The following LRP5 variants were observed in gnomAD, a reference collection of about 807,000 sequenced individuals.
The protein encoded by LRP5 is low-density lipoprotein receptor-related protein 5.
A neutral mutation model predicts 154.1 loss-of-function variants in LRP5; 62 were observed. That is an observed-to-expected ratio of 0.40 (90% CI 0.33 to 0.50). The LOEUF (loss-of-function observed/expected upper bound fraction) is 0.50, where lower values mean the gene tolerates loss of function less well. LRP5 is among the 20% of genes least tolerant of loss of function. The probability of loss-of-function intolerance (pLI) is 0.55; values close to 1 mark genes in which losing one functional copy is unlikely to be tolerated. For synonymous variants in LRP5, 966 were observed against 1,011.5 expected (o/e 0.96, Z 0.85); for missense variants, 1,915 against 2,336.7 (o/e 0.82, Z 3.72).
intron 21 of LRP5, among the ~76,000 whole-genome samples, chr11:68,442,423 G>T (rs183335905): frequency 1.6e-4 from 25 of 152,098 alleles, no homozygotes; most frequent in African/African-American, 6.0e-4. Flanking sequence ...TGGCAGGTGT[G>T]CACCATCATG....
chr11:68,302,191 CA>C, the LRP5 span, among the ~76,000 whole-genome samples: 2 of 151,414 alleles, frequency 1.3e-5, no homozygotes, highest in East Asian at 4.0e-4. Flanking sequence ...ACTAGAAATA[CA>C]AAAAATTAGC....
At chr11:68,343,709 T>C (rs1324792465) in intron 1 of LRP5, among the ~76,000 whole-genome samples, 1 of 151,934 alleles carries the variant, frequency 6.6e-6, no homozygotes, top group Non-Finnish European at 1.5e-5. Flanking sequence ...CACACACAAC[T>C]CTCTTCCCAG....
At chr11:68,399,074 G>A (rs554203637) in intron 7 of LRP5, among the ~76,000 whole-genome samples, 14 of 152,118 alleles carry the variant, frequency 9.2e-5, no homozygotes, top group Non-Finnish European at 1.5e-4. Context: ...TGCCTCTAGC[G>A]ATTTGGGAGG....
intron 5 of LRP5, among the ~76,000 whole-genome samples, chr11:68,374,293 C>T (rs1591245285): frequency 6.6e-6 from 1 of 152,174 alleles, no homozygotes; most frequent in African/African-American, 2.4e-5. Flanking sequence ...GGCGTTTGTT[C>T]CCAGAGTCTG....
At position 68,447,450 on chromosome 11, in the gene LRP5, CT is replaced by C. The variant is rs370190796; in HGVS notation, c.4586+918del. On this transcript the variant is annotated intron_variant, in intron 22 of 22. Coordinates refer to ENST00000294304, the MANE Select transcript of LRP5 (RefSeq NM_002335.4). This position sits in a 1 kb window ranked among gnomAD's most constrained non-coding sequence, Gnocchi z 4.3. Reference sequence around the variant, plus strand: ...CTGGCTGGGGAGCCGGAACTGCAGCCTCCATTTCCACCCCACTCCGGGTCGG... The same window carrying C: ...CTGGCTGGGGAGCCGGAACTGCAGCCCCATTTCCACCCCACTCCGGGTCGG... Among the ~76,000 whole-genome samples the C allele has an allele frequency of 4.5e-3, 692 of 152,320 alleles. 5 individuals are homozygous for C. The highest frequency in any genetic ancestry group is 0.016 in the African/African-American group (664 of 41,568).
chr11:68,400,459 C>A (rs2098652009), intron 7 of LRP5, among the ~76,000 whole-genome samples: 1 of 152,122 alleles, frequency 6.6e-6, no homozygotes, highest in Non-Finnish European at 1.5e-5. Flanking sequence ...GTGGCTCACG[C>A]CTGTAAATCC....
chr11:68,377,678 A>G (rs924384843), intron 5 of LRP5, among the ~76,000 whole-genome samples: 2 of 152,202 alleles, frequency 1.3e-5, no homozygotes, highest in African/African-American at 4.8e-5. Flanking sequence ...GGATCTGCGC[A>G]GTGGACAGTG....
At chr11:68,314,425 C>T (rs1407016179) in intron 1 of LRP5, among the ~76,000 whole-genome samples, 2 of 152,162 alleles carry the variant, frequency 1.3e-5, no homozygotes, top group Non-Finnish European at 2.9e-5. Flanking sequence ...TGTGGTGATC[C>T]AGGCCTAAAA....
chr11:68,381,982 A>C (rs314773), intron 5 of LRP5, among the ~76,000 whole-genome samples: 76,227 of 152,154 alleles, frequency 0.5, 23,412 homozygotes, highest in South Asian at 0.82. Flanking sequence ...GGCTGGACAG[A>C]GTCCCCACCA....
Position 68,446,442 on chromosome 11 carries a change from A to C in LRP5, c.4495A>C (p.Asn1499His). ...TKATLYPPIL[N>H]PPPSPATDPS... Reference sequence around the variant, plus strand: ...CTGGCTTGGCTCTCCTCAGATCCTGAACCCGCCGCCCTCCCCGGCCACGGA... The same window carrying C: ...CTGGCTTGGCTCTCCTCAGATCCTGCACCCGCCGCCCTCCCCGGCCACGGA... The change falls in exon 22 of 23, where the codon AAC becomes CAC. Residue 1499 changes from asparagine to histidine, a missense_variant. Around this residue, in one of 3 missense-constraint regions of LRP5, gnomAD observed 1,094 missense variants for 1,210.1 expected, o/e 0.90. Coordinates refer to ENST00000294304, the MANE Select transcript of LRP5 (RefSeq NM_002335.4). The C allele has an allele frequency of 1.2e-6, 2 of 1,612,478 alleles. No homozygotes were observed. The highest frequency in any genetic ancestry group is 1.7e-6 in the Non-Finnish European group (2 of 1,178,584).
intron 2 of LRP5, among the ~76,000 whole-genome samples, chr11:68,352,716 T>C (rs2098619773): frequency 6.8e-6 from 1 of 146,510 alleles, no homozygotes; most frequent in Non-Finnish European, 1.5e-5. Flanking sequence ...GGTATTTGAT[T>C]GGGAGGTGCT....
At chr11:68,427,966 TTTTATTTTTTTTATTTATTTATTTA>T (rs1233686179) in intron 16 of LRP5, among the ~76,000 whole-genome samples, 126 of 79,066 alleles carry the variant, frequency 1.6e-3, no homozygotes, top group African/African-American at 4.6e-3. Context: ...TTTTATTTTA[TTTTATTTTTTTTATTTATTTATTTA>T]TTTATTTATT....
the LRP5 span, among the ~76,000 whole-genome samples, chr11:68,298,614 C>T: frequency 6.6e-6 from 1 of 152,310 alleles, no homozygotes; most frequent in East Asian, 1.9e-4. Flanking sequence ...GATCTTTGGG[C>T]TCAGTGCCAG....
At chr11:68,400,415 C>T (rs1565077374) in intron 7 of LRP5, among the ~76,000 whole-genome samples, 3 of 152,114 alleles carry the variant, frequency 2.0e-5, no homozygotes, top group African/African-American at 2.4e-5. Context: ...AAAAATCTCT[C>T]CAAGAGATAA....
chr11:68,424,978 C>T, intron 14 of LRP5, 124 bp from the exon 15 acceptor site: 1 of 742,412 alleles, frequency 1.3e-6, no homozygotes, highest in Non-Finnish European at 2.3e-6. Context: ...AGAATGTGAC[C>T]TGTCAGCCTC....
chr11:68,397,946 C>T (rs2098650345), intron 7 of LRP5, among the ~76,000 whole-genome samples: 1 of 130,304 alleles, frequency 7.7e-6, no homozygotes, highest in African/African-American at 2.7e-5. Flanking sequence ...TATCCCTGGG[C>T]TTTGGCACTG....
chr11:68,385,751 G>A (rs2098642619), intron 5 of LRP5, among the ~76,000 whole-genome samples: 1 of 152,142 alleles, frequency 6.6e-6, no homozygotes, highest in Non-Finnish European at 1.5e-5. Flanking sequence ...TGAAGGGTGT[G>A]TCTGGCCCTG....
At chr11:68,362,445 G>A (rs964996648) in intron 3 of LRP5, among the ~76,000 whole-genome samples, 2 of 152,136 alleles carry the variant, frequency 1.3e-5, no homozygotes, top group Admixed American at 1.3e-4. Flanking sequence ...CACTTTGAGA[G>A]GCCAAGGCGG....
At chr11:68,361,530 G>A (rs1591225455) in intron 3 of LRP5, among the ~76,000 whole-genome samples, 2 of 151,590 alleles carry the variant, frequency 1.3e-5, no homozygotes, top group Non-Finnish European at 2.9e-5. Flanking sequence ...CCAGCCACTC[G>A]GGAGGCTGAG....
Sources: gnomAD v4.1 joint callset for allele counts (sites outside exome capture counted in the v4.1 genomes callset) on GRCh38, gnomAD v4.1.1 for gene constraint, gnomAD v4.1.1 regional missense constraint, Gnocchi (gnomAD v3.1) non-coding constraint, MANE v1.5 for transcripts, NCBI Gene and HGNC (gene_info 2026-07-23, HGNC 2026-07-21) for gene names.